Variants in PATJ observed in about 807,000 individuals in gnomAD.
The protein encoded by PATJ is inaD-like protein.
PATJ carries 190 observed loss-of-function variants against 224.9 expected under a neutral mutation model. That is an observed-to-expected ratio of 0.84 (90% CI 0.75 to 0.95). The LOEUF (loss-of-function observed/expected upper bound fraction) is 0.95. Among genes scored for constraint, PATJ ranks in the 40% least tolerant of loss-of-function variants. The pLI, the probability that PATJ is intolerant of heterozygous loss-of-function variation, is 0.00. For missense variants in PATJ, 2,121 were observed against 2,270.3 expected (o/e 0.93, Z 1.34); for synonymous variants, 769 against 820.3 (o/e 0.94, Z 1.07).
intron 7 of PATJ, among the ~76,000 whole-genome samples, chr1:61,781,223 A>C (rs691032): frequency 6.6e-6 from 1 of 152,120 alleles, no homozygotes; most frequent in Non-Finnish European, 1.5e-5. Flanking sequence ...ACACCTGTGC[A>C]CAATTGTTCA....
intron 31 of PATJ, among the ~76,000 whole-genome samples, chr1:62,062,844 C>A (rs1655789548): frequency 6.6e-6 from 1 of 151,988 alleles, no homozygotes; most frequent in Non-Finnish European, 1.5e-5. Flanking sequence ...CCTTTGCCTG[C>A]TGTTTAATAT....
chr1:62,018,969 G>A lies in PATJ; in HGVS notation c.3959+1022G>A, dbSNP rs1646926156. Among the ~76,000 whole-genome samples, 1 of 152,130 alleles carries A rather than the reference G, an allele frequency of 6.6e-6. No individual in the cohort carries two copies. Among genetic ancestry groups the A allele is most frequent in the Non-Finnish European group, 1.5e-5 (1 of 68,024 alleles). On this transcript the variant is annotated intron_variant, in intron 29 of 43. Transcript: ENST00000642238. The surrounding 1 kb of genome is among the most constrained non-coding windows in gnomAD (Gnocchi z 4.2). The stretch of plus-strand genomic sequence containing the variant: ...TGAAGAAATCCTACATTAGGGCCAG[G>A]CACGGTGGCTCACGTCTGTAATCCC...
chr1:61,967,041 T>C (rs1557959572), intron 27 of PATJ, among the ~76,000 whole-genome samples: 2 of 152,186 alleles, frequency 1.3e-5, no homozygotes, highest in African/African-American at 4.8e-5. Context: ...TTAGAATGCC[T>C]TCAACATCTG....
chr1:62,115,598 C>A (rs183284871), intron 35 of PATJ, among the ~76,000 whole-genome samples: 3 of 149,226 alleles, frequency 2.0e-5, no homozygotes, highest in Non-Finnish European at 4.4e-5. Context: ...GCCTAGCTTC[C>A]ATGGTTTACT....
At chr1:62,003,398 A>G (rs750833022) in intron 28 of PATJ, among the ~76,000 whole-genome samples, 1 of 152,192 alleles carries the variant, frequency 6.6e-6, no homozygotes, top group Non-Finnish European at 1.5e-5. Flanking sequence ...GCATATTACT[A>G]TTATGCTGCC....
At chr1:62,003,321 G>T (rs1031555642) in intron 28 of PATJ, among the ~76,000 whole-genome samples, 1 of 151,928 alleles carries the variant, frequency 6.6e-6, no homozygotes, top group Admixed American at 6.6e-5. Context: ...AACATGTCAG[G>T]GTTTAGAATT....
At chr1:61,842,931 A>G (rs1278006028) in intron 17 of PATJ, among the ~76,000 whole-genome samples, 2 of 152,146 alleles carry the variant, frequency 1.3e-5, no homozygotes, top group Non-Finnish European at 2.9e-5. Flanking sequence ...AGCCCTTCCT[A>G]GAGTGTGCCA....
chr1:62,083,771 CTT>C (rs1169582759), intron 32 of PATJ, among the ~76,000 whole-genome samples: 1 of 152,030 alleles, frequency 6.6e-6, no homozygotes, highest in Non-Finnish European at 1.5e-5. Flanking sequence ...CTTTATACAT[CTT>C]AATAATTTAA....
At chr1:61,858,927 TG>T (rs1664129492) in intron 18 of PATJ, among the ~76,000 whole-genome samples, 1 of 152,174 alleles carries the variant, frequency 6.6e-6, no homozygotes, top group Non-Finnish European at 1.5e-5. Context: ...GTGTATTTGG[TG>T]TGGGTATTGC....
At chr1:61,929,251 C>A (rs1388704755) in intron 27 of PATJ, among the ~76,000 whole-genome samples, 2 of 152,186 alleles carry the variant, frequency 1.3e-5, no homozygotes, top group African/African-American at 4.8e-5. Context: ...AGTATTTGCC[C>A]AGTTATTGGG....
intron 28 of PATJ, among the ~76,000 whole-genome samples, chr1:62,007,414 C>T (rs931771384): frequency 2.0e-5 from 3 of 152,228 alleles, no homozygotes; most frequent in Admixed American, 6.5e-5. Context: ...CTCCTTTGGA[C>T]AGAAAGCTTT....
intron 28 of PATJ, among the ~76,000 whole-genome samples, chr1:61,997,653 C>T (rs1019316755): frequency 9.9e-5 from 15 of 151,778 alleles, no homozygotes; most frequent in Non-Finnish European, 7.4e-5. Flanking sequence ...AATTCATTAC[C>T]GTTTTGTATT....
chr1:61,852,862 A>G (rs1663055727), intron 17 of PATJ, among the ~76,000 whole-genome samples: 1 of 152,172 alleles, frequency 6.6e-6, no homozygotes, highest in African/African-American at 2.4e-5. Flanking sequence ...GATGTAAAGG[A>G]AATGAAAGGA....
chr1:61,881,933 G>A (rs772385063), intron 21 of PATJ, among the ~76,000 whole-genome samples: 18 of 152,132 alleles, frequency 1.2e-4, no homozygotes, highest in Non-Finnish European at 5.9e-5. Context: ...ATTAGCTGTA[G>A]ATTTCTTTGT....
At chr1:62,106,115 C>A (rs12563269) in intron 33 of PATJ, among the ~76,000 whole-genome samples, 3 of 46,476 alleles carry the variant, frequency 6.5e-5, no homozygotes, top group African/African-American at 1.5e-4. Flanking sequence ...CACACACACA[C>A]ACACAAACAC....
intron 17 of PATJ, among the ~76,000 whole-genome samples, chr1:61,845,088 G>A (rs777091016): frequency 1.3e-5 from 2 of 152,182 alleles, no homozygotes; most frequent in Non-Finnish European, 2.9e-5. Flanking sequence ...TGTGGTTTCA[G>A]GTATCTGCTG....
At chr1:62,045,458 G>A (rs1490083949) in intron 30 of PATJ, among the ~76,000 whole-genome samples, 1 of 152,176 alleles carries the variant, frequency 6.6e-6, no homozygotes, top group African/African-American at 2.4e-5. Context: ...GCCCAGGGGA[G>A]GGAATTTGGA....
At chr1:61,820,583 C>A (rs56402682) in intron 14 of PATJ, among the ~76,000 whole-genome samples, 4,293 of 152,318 alleles carry the variant, frequency 0.028, 94 homozygotes, top group Middle Eastern at 0.065. Flanking sequence ...CTCAGGTGAT[C>A]TGCCCGCCTT....
chr1:62,076,212 C>G (rs920863684), intron 31 of PATJ, among the ~76,000 whole-genome samples: 1 of 151,962 alleles, frequency 6.6e-6, no homozygotes, highest in Admixed American at 6.6e-5. Context: ...AAGTCTTAAT[C>G]AATAAGTCTC....
Sources: allele counts gnomAD v4.1 joint callset (sites outside exome capture counted in the v4.1 genomes callset), GRCh38; gene constraint gnomAD v4.1.1; non-coding constraint Gnocchi (gnomAD v3.1); transcripts MANE v1.5; gene names NCBI Gene and HGNC (gene_info 2026-07-23, HGNC 2026-07-21).